Variants in LSR observed in about 807,000 individuals in gnomAD.
LSR encodes lipolysis-stimulated lipoprotein receptor.
A neutral mutation model predicts 61.8 loss-of-function variants in LSR; 44 were observed. The observed-to-expected ratio is 0.71, with a 90% CI of 0.56 to 0.91. The LOEUF (loss-of-function observed/expected upper bound fraction) is 0.91. LSR is among the 40% of genes least tolerant of loss of function. LSR has a pLI of 0.00. For synonymous variants in LSR, 397 were observed against 350.6 expected, an observed-to-expected ratio of 1.13 and a Z score of -1.48; for missense variants, 911 against 830.5, an observed-to-expected ratio of 1.10 and a Z score of -1.19.
chr19:35,251,920 C>T (rs1435225422), intron 2 of LSR, among the ~76,000 whole-genome samples: 4 of 143,662 alleles, frequency 2.8e-5, no homozygotes, highest in African/African-American at 5.2e-5. Flanking sequence ...CTGCAAGCTC[C>T]GCCTCCCGGG....
chr19:35,261,702 C>T (rs574769600), intron 3 of LSR, among the ~76,000 whole-genome samples: 3 of 152,276 alleles, frequency 2.0e-5, no homozygotes, highest in East Asian at 1.9e-4. Context: ...TTGGAGCCCT[C>T]GTGGCATAAC....
rs2066051490 is a variant in LSR, at chr19:35,267,923, C to T, written c.*64C>T. The T allele has an allele frequency of 6.5e-7, 1 of 1,539,646 alleles. No homozygotes were observed. The highest frequency in any genetic ancestry group is 2.2e-5 in the East Asian group (1 of 44,466). On this transcript the variant is annotated 3_prime_UTR_variant, in exon 10 of 10. Transcript: ENST00000605618. ...AATTTGAAGGAACACTGATGAAGCC[C>T]TGCCATACCCCTCCCGAGTCTAATA...
At chr19:35,254,501 T>G (rs1244759560) in intron 2 of LSR, among the ~76,000 whole-genome samples, 2 of 152,218 alleles carry the variant, frequency 1.3e-5, no homozygotes, top group Non-Finnish European at 2.9e-5. Flanking sequence ...CCTTCCATGC[T>G]TTGGGTGATG....
At chr19:35,252,052 T>C (rs1325089505) in intron 2 of LSR, among the ~76,000 whole-genome samples, 1 of 151,084 alleles carries the variant, frequency 6.6e-6, no homozygotes, top group African/African-American at 2.4e-5. Context: ...GCCGGGATGG[T>C]CTCGATCTCC....
rs953614549 is a variant in LSR at position 35,257,089 on chromosome 19, C to T, written c.455-1856C>T. Among the ~76,000 whole-genome samples, 8 of 152,148 alleles carry T rather than the reference C, an allele frequency of 5.3e-5. No homozygotes were observed. The South Asian group carries it at 6.2e-4, about 12-fold the overall frequency. On this transcript the variant is annotated intron_variant, in intron 2 of 9. Transcript: ENST00000605618. The stretch of plus-strand genomic sequence containing the variant: ...CTGACCTCAAGTGATCCACCTGCCT[C>T]AGCCTCCCAAAGTGTTAGGATTACA...
At position 35,266,361 on chromosome 19, in the gene LSR, T is replaced by C; in HGVS notation, c.781T>C (p.Tyr261His). The C allele has an allele frequency of 1.3e-6, 2 of 1,579,440 alleles. No individual in the cohort carries two copies. Among genetic ancestry groups the C allele is most frequent in the Non-Finnish European group, 1.7e-6 (2 of 1,162,090 alleles). Reference protein sequence around the residue: ...PDKCCCPEALYAAGKAATSGV... With the variant: ...PDKCCCPEALHAAGKAATSGV... ...TCCTGTTGATTGTGTCCTCACAGTG[T>C]ATGCCGCCGGCAAAGCAGCCACCTC... The change falls in exon 6 of 10, where the codon TAT becomes CAT. Residue 261 changes from tyrosine to histidine, a missense_variant and splice_region_variant. By Grantham distance (83) the Tyr-to-His change is moderately conservative. Coordinates refer to ENST00000605618, the MANE Select transcript of LSR (RefSeq NM_205834.4).
intron 2 of LSR, among the ~76,000 whole-genome samples, chr19:35,252,354 T>A (rs534774202): frequency 6.6e-4 from 100 of 151,998 alleles, no homozygotes; most frequent in Middle Eastern, 3.4e-3. Context: ...AGAAAGAGTA[T>A]GAGAATTTCA....
Position 35,267,195 on chromosome 19 carries a change from G to A in LSR, c.1231G>A (p.Glu411Lys). ...GPALTPIRDE[E>K]WGGHSPRSPR... The stretch of plus-strand genomic sequence containing the variant: ...TGCCCTCACCCCGATCCGGGATGAG[G>A]AGTGGGGTGGCCACTCCCCCCGGAG... Residue 411 changes from glutamate to lysine, a missense_variant, in exon 9 of 10, where the codon GAG becomes AAG. Transcript: ENST00000605618. 1.3e-6 allele frequency: 2 copies of A among 1,523,496 alleles called. No homozygotes were observed. The highest frequency in any genetic ancestry group is 1.8e-6 in the Non-Finnish European group (2 of 1,138,724). The allele number at this position is 1,523,496 out of a possible 1,614,324, so 94.4% of individuals were successfully genotyped here.
intron 1 of LSR, among the ~76,000 whole-genome samples, chr19:35,249,541 G>A (rs1022982777): frequency 3.9e-5 from 6 of 152,146 alleles, no homozygotes; most frequent in Non-Finnish European, 7.4e-5. Context: ...CTTCCTAGAG[G>A]GACAGAGACG....
Position 35,267,237 on chromosome 19 carries a change from C to G in LSR, c.1273C>G (p.Gln425Glu). Residue 425 changes from glutamine (Q) to glutamate (E), a missense_variant, in exon 9 of 10, where the codon CAG (glutamine) becomes GAG (glutamate). Physicochemically the swap from Gln to Glu is conservative, Grantham distance 29. Coordinates refer to ENST00000605618, the MANE Select transcript of LSR (RefSeq NM_205834.4). The part of the protein sequence containing the change: ...HSPRSPRGWD[Q>E]EPAREQAGGG... ...CCCCCGGAGTCCCAGGGGATGGGAC[C>G]AGGAGCCCGCCAGGGAGCAGGCAGG... The G allele has an allele frequency of 6.5e-7, 1 of 1,532,762 alleles. No homozygotes were observed. The highest frequency in any genetic ancestry group is 8.8e-7 in the Non-Finnish European group (1 of 1,142,578). 94.9% of individuals were successfully genotyped at this position (1,532,762 alleles called of 1,614,324 possible).
intron 2 of LSR, among the ~76,000 whole-genome samples, chr19:35,258,536 T>C (rs567624126): frequency 3.3e-5 from 5 of 151,200 alleles, no homozygotes; most frequent in African/African-American, 9.7e-5. Context: ...GTCCAGGAGG[T>C]TGAAGTTGCA....
At chr19:35,262,762 C>T (rs2065947325) in intron 5 of LSR, 70 bp downstream of exon 5, 1 of 1,567,954 alleles carries the variant, frequency 6.4e-7, no homozygotes, top group Non-Finnish European at 8.6e-7. Flanking sequence ...GGTGGCCATC[C>T]ACCTGCCCCC....
Position 35,261,908 on chromosome 19 carries a change from C to T in LSR, c.575-17C>T. On this transcript the variant is annotated splice_polypyrimidine_tract_variant and intron_variant, in intron 3 of 9. Transcript: ENST00000605618. ...TGGCTCTGGCCAGCATAATCTGTTT[C>T]TCTTTTGTCCCTCCAGGGAGGACCT... 1 of 1,443,516 alleles carries T rather than the reference C, an allele frequency of 6.9e-7. No individual in the cohort carries two copies. The highest frequency in any genetic ancestry group is 9.1e-7 in the Non-Finnish European group (1 of 1,097,936). The allele number at this position is 1,443,516 out of a possible 1,614,324, so 89.4% of individuals were successfully genotyped here. A position where few individuals can be genotyped will look rare whatever the true frequency, so the allele number is the denominator to read the frequency against.
intron 5 of LSR, 94 bp from the exon 6 acceptor site, chr19:35,266,265 G>A: frequency 1.0e-6 from 1 of 992,092 alleles, no homozygotes; most frequent in Non-Finnish European, 1.5e-6. Context: ...GCTTGGGAAG[G>A]AGGTCCAGGC....
chr19:35,267,927 C>G lies in LSR; in HGVS notation c.*68C>G. On this transcript the variant is annotated 3_prime_UTR_variant, in exon 10 of 10. Coordinates refer to ENST00000605618, the MANE Select transcript of LSR (RefSeq NM_205834.4). ...TGAAGGAACACTGATGAAGCCCTGC[C>G]ATACCCCTCCCGAGTCTAATAAAAC... is the stretch of plus-strand genomic sequence containing the variant. 6.5e-7 allele frequency: 1 copy of G among 1,529,526 alleles called. No homozygotes were observed. Among genetic ancestry groups the G allele is most frequent in the African/African-American group, 1.4e-5 (1 of 72,864 alleles). The allele number at this position is 1,529,526 out of a possible 1,614,324, so 94.7% of individuals were successfully genotyped here.
At position 35,266,849 on chromosome 19, in the gene LSR, C is replaced by T; in HGVS notation, c.1026C>T (p.Gly342=). ...CCCTGTCCCTAGAAGTCCGCAGTGGCTACAGGATTCAGGCCAGCCAGCAGG... is the reference window on the plus strand; with the variant it reads ...CCCTGTCCCTAGAAGTCCGCAGTGGTTACAGGATTCAGGCCAGCCAGCAGG... The part of the protein sequence containing the change: ...DSSVASEVRS[G]YRIQASQQDD... The change falls in exon 8 of 10, where the codon GGC becomes GGT. Residue 342 remains glycine, a synonymous_variant. Coordinates refer to ENST00000605618, the MANE Select transcript of LSR (RefSeq NM_205834.4). 1 of 1,609,210 alleles carries T rather than the reference C, an allele frequency of 6.2e-7. No homozygotes were observed. Among genetic ancestry groups the T allele is most frequent in the Non-Finnish European group, 8.5e-7 (1 of 1,177,854 alleles).
At chr19:35,249,201 G>T in intron 1 of LSR, 70 bp downstream of exon 1, 1 of 1,481,802 alleles carries the variant, frequency 6.7e-7, no homozygotes, top group East Asian at 2.6e-5. Context: ...GATGGAGTTG[G>T]AGGCGGCGGG....
At chr19:35,261,831 C>T in intron 3 of LSR, 94 bp from the exon 4 acceptor site, 1 of 814,192 alleles carries the variant, frequency 1.2e-6, no homozygotes. Flanking sequence ...CAGGGCACAC[C>T]TTGCACTTGG....
intron 5 of LSR, chr19:35,264,824 G>C (rs1343866150): frequency 3.3e-5 from 5 of 152,154 alleles, no homozygotes; most frequent in African/African-American, 1.2e-4. Flanking sequence ...GCACACCATT[G>C]AGCATGGGGC....
Sources: allele counts gnomAD v4.1 joint callset (sites outside exome capture counted in the v4.1 genomes callset), GRCh38; gene constraint gnomAD v4.1.1; transcripts MANE v1.5; gene names NCBI Gene and HGNC (gene_info 2026-07-23, HGNC 2026-07-21).